Variants in VAX2 observed in about 807,000 individuals in gnomAD.
VAX2 encodes ventral anterior homeobox 2.
VAX2 carries 8 observed loss-of-function variants against 12.5 expected under a neutral mutation model. That is an observed-to-expected ratio of 0.64 (90% CI 0.37 to 1.15). VAX2 has a LOEUF of 1.15. Among genes scored for constraint, VAX2 ranks in the 50% most tolerant of loss-of-function variants. The pLI, the probability that VAX2 is intolerant of heterozygous loss-of-function variation, is 0.01. For missense variants in VAX2, 476 were observed against 412.9 expected, an observed-to-expected ratio of 1.15 and a Z score of -1.32; for synonymous variants, 183 against 187.6, an observed-to-expected ratio of 0.98 and a Z score of 0.20.
rs1401639894 is a variant in VAX2, at chr2:70,904,761, C to A, written c.247+3893C>A. On this transcript the variant is annotated intron_variant, in intron 1 of 2. Coordinates refer to ENST00000234392, the MANE Select transcript of VAX2 (RefSeq NM_012476.3). This position sits in a 1 kb window ranked among gnomAD's most constrained non-coding sequence, Gnocchi z 4.2. ...CGCGGATGGCTGGGGGCTGAGGGGACGCGTGAAGCCCAGGCCTCTTGCTTG... is the reference window on the plus strand; with the variant it reads ...CGCGGATGGCTGGGGGCTGAGGGGAAGCGTGAAGCCCAGGCCTCTTGCTTG... 3.9e-5 allele frequency among the ~76,000 whole-genome samples: 6 copies of A among 152,310 alleles called. No homozygotes were observed. In the South Asian group the frequency reaches 8.3e-4, roughly 21 times the overall value.
rs782389159 is a variant in VAX2 at position 70,921,137 on chromosome 2, G to C, written c.287G>C (p.Gly96Ala). The change falls in exon 2 of 3, where the codon GGC (glycine) becomes GCC (alanine). Residue 96 changes from glycine (G) to alanine (A), a missense_variant. Transcript: ENST00000234392. The stretch of plus-strand genomic sequence containing the variant: ...ATTCGGGAAATTGTCCTGCCTAAGG[G>C]CCTGGACCTGGACCGGCCCAAGCGG... Reference protein sequence around the residue: ...GTIREIVLPKGLDLDRPKRTR... With the variant: ...GTIREIVLPKALDLDRPKRTR... The C allele has an allele frequency of 1.1e-5, 17 of 1,612,202 alleles. No homozygotes were observed. The South Asian group carries it at 1.3e-4, about 13-fold the overall frequency.
intron 2 of VAX2, among the ~76,000 whole-genome samples, chr2:70,927,861 T>C (rs1216255873): frequency 6.6e-6 from 1 of 151,914 alleles, no homozygotes; most frequent in African/African-American, 2.4e-5. Flanking sequence ...GGAGTCAAGA[T>C]GGCAGCCTCC....
intron 1 of VAX2, among the ~76,000 whole-genome samples, chr2:70,901,350 C>G (rs1157405828): frequency 6.6e-6 from 1 of 152,246 alleles, no homozygotes; most frequent in East Asian, 1.9e-4. Context: ...TTCCCGTCCC[C>G]GGCAATCGGG....
intron 2 of VAX2, among the ~76,000 whole-genome samples, chr2:70,924,961 T>A (rs1679536711): frequency 6.6e-6 from 1 of 152,106 alleles, no homozygotes; most frequent in Non-Finnish European, 1.5e-5. Context: ...TTTGAGAAGA[T>A]GACGTTGAGC....
rs540144018 is a variant in VAX2, at chr2:70,928,714, G to A, written c.436-4053G>A. Among the ~76,000 whole-genome samples, 349 of 152,320 alleles carry A rather than the reference G, an allele frequency of 2.3e-3. 1 individual carries two copies. The highest frequency in any genetic ancestry group is 4.2e-3 in the Admixed American group (64 of 15,304). ...CTCTGTTTTTTGGGAATGAGTTAGT[G>A]CCACTCCCCCACTAGACCCTCAGCT... On this transcript the variant is annotated intron_variant, in intron 2 of 2. Transcript: ENST00000234392.
intron 2 of VAX2, 70 bp from the exon 3 acceptor site, chr2:70,932,697 C>A: frequency 1.2e-6 from 1 of 862,520 alleles, no homozygotes; most frequent in Non-Finnish European, 1.5e-6. Context: ...CTCCTTTCCT[C>A]CTCCCACCTG....
chr2:70,930,506 C>T (rs893774342), intron 2 of VAX2, among the ~76,000 whole-genome samples: 3 of 152,224 alleles, frequency 2.0e-5, no homozygotes, highest in African/African-American at 7.2e-5. Context: ...CCAACAGCCA[C>T]CTCCTCCAGG....
At chr2:70,922,432 A>G (rs1304992221) in intron 2 of VAX2, among the ~76,000 whole-genome samples, 2 of 152,076 alleles carry the variant, frequency 1.3e-5, no homozygotes, top group Admixed American at 6.5e-5. Context: ...TGCCTCAGTG[A>G]GGTCAGCTCT....
intron 2 of VAX2, among the ~76,000 whole-genome samples, chr2:70,930,427 CT>C (rs1553414157): frequency 6.6e-6 from 1 of 152,208 alleles, no homozygotes; most frequent in African/African-American, 2.4e-5. Context: ...CCTGCCCACT[CT>C]TTACCTCCTC....
chr2:70,920,109 GCTAAGTAAT>G (rs1679419208), intron 1 of VAX2, among the ~76,000 whole-genome samples: 1 of 152,174 alleles, frequency 6.6e-6, no homozygotes, highest in Admixed American at 6.5e-5. Flanking sequence ...CATTGCCAAT[GCTAAGTAAT>G]GGAAATTCCT....
chr2:70,906,513 TCTTTTCC>T (rs1553410602), intron 1 of VAX2, among the ~76,000 whole-genome samples: 1 of 138,662 alleles, frequency 7.2e-6, no homozygotes, highest in Non-Finnish European at 1.5e-5. Flanking sequence ...TTTTTTCTTT[TCTTTTCC>T]TTTTTTTTTT....
In VAX2 at chr2:70,903,729, T is replaced by C. The variant is rs985650006; in HGVS notation, c.247+2861T>C. Among the ~76,000 whole-genome samples, 10 of 151,964 alleles carry C rather than the reference T, an allele frequency of 6.6e-5. No individual in the cohort carries two copies. In the East Asian group the frequency reaches 1.7e-3, roughly 27 times the overall value. On this transcript the variant is annotated intron_variant, in intron 1 of 2. Coordinates refer to ENST00000234392, the MANE Select transcript of VAX2 (RefSeq NM_012476.3). Reference sequence around the variant, plus strand: ...CTCTGAGGTGACCCACGAACCACTTTTGATGGGTGGGGCAGTGGACCTTCG... The same window carrying C: ...CTCTGAGGTGACCCACGAACCACTTCTGATGGGTGGGGCAGTGGACCTTCG...
chr2:70,928,510 C>T (rs1679621690), intron 2 of VAX2, among the ~76,000 whole-genome samples: 1 of 152,178 alleles, frequency 6.6e-6, no homozygotes, highest in Admixed American at 6.5e-5. Flanking sequence ...TTCTCCTCTC[C>T]TAGGGTCCAG....
intron 2 of VAX2, among the ~76,000 whole-genome samples, chr2:70,923,561 G>C (rs1679507093): frequency 6.6e-6 from 1 of 152,238 alleles, no homozygotes; most frequent in African/African-American, 2.4e-5. Context: ...GGAGCCACCT[G>C]TGCTTCTGAA....
intron 1 of VAX2, among the ~76,000 whole-genome samples, chr2:70,915,168 T>G (rs1235129298): frequency 6.6e-6 from 1 of 152,146 alleles, no homozygotes; most frequent in Non-Finnish European, 1.5e-5. Flanking sequence ...TTTTGGTGCT[T>G]TTGTCATCCA....
At chr2:70,916,080 C>T (rs1553411895) in intron 1 of VAX2, among the ~76,000 whole-genome samples, 1 of 152,186 alleles carries the variant, frequency 6.6e-6, no homozygotes, top group East Asian at 1.9e-4. Context: ...TTTAAATCAT[C>T]TTACAAACCA....
chr2:70,925,313 A>G lies in VAX2; in HGVS notation c.435+4028A>G, dbSNP rs569991559. Among the ~76,000 whole-genome samples, 17 of 152,326 alleles carry G rather than the reference A, an allele frequency of 1.1e-4. 1 individual carries two copies. Among genetic ancestry groups the G allele is most frequent in the African/African-American group, 4.1e-4 (17 of 41,574 alleles). The stretch of plus-strand genomic sequence containing the variant: ...TACTGACATGGGTCCTGAACAGAGC[A>G]GTGGTGGAGGAGAGAAGCGTACTAA... On this transcript the variant is annotated intron_variant, in intron 2 of 2. Coordinates refer to ENST00000234392, the MANE Select transcript of VAX2 (RefSeq NM_012476.3).
intron 1 of VAX2, among the ~76,000 whole-genome samples, chr2:70,911,951 AT>A: frequency 6.6e-6 from 1 of 152,224 alleles, no homozygotes; most frequent in Non-Finnish European, 1.5e-5. Flanking sequence ...TTGTTCTTCA[AT>A]TTTTAGAGCT....
intron 1 of VAX2, among the ~76,000 whole-genome samples, chr2:70,901,691 G>A (rs1455543784): frequency 6.6e-6 from 1 of 152,240 alleles, no homozygotes; most frequent in Non-Finnish European, 1.5e-5. Flanking sequence ...CAGGTCCCCA[G>A]CGCCAGCCTT....
Sources: allele counts gnomAD v4.1 joint callset (sites outside exome capture counted in the v4.1 genomes callset), GRCh38; gene constraint gnomAD v4.1.1; non-coding constraint Gnocchi (gnomAD v3.1); transcripts MANE v1.5; gene names NCBI Gene and HGNC (gene_info 2026-07-23, HGNC 2026-07-21).